The following PTPRQ variants were observed in gnomAD, a reference collection of about 807,000 sequenced individuals.
PTPRQ encodes protein tyrosine phosphatase receptor type Q.
A neutral mutation model predicts 246.0 loss-of-function variants in PTPRQ; 199 were observed. That is an observed-to-expected ratio of 0.81 (90% confidence interval 0.72 to 0.91). PTPRQ has a LOEUF of 0.91. Among genes scored for constraint, PTPRQ ranks in the 40% least tolerant of loss-of-function variants. The pLI is 0.00. For missense variants in PTPRQ, 2,624 were observed against 2,528.4 expected, an observed-to-expected ratio of 1.04 and a Z score of -0.81; for synonymous variants, 869 against 853.2, an observed-to-expected ratio of 1.02 and a Z score of -0.32.
At chr12:80,615,543 A>C (rs1238463498) in intron 29 of PTPRQ, among the ~76,000 whole-genome samples, 3 of 151,136 alleles carry the variant, frequency 2.0e-5, no homozygotes, top group South Asian at 2.1e-4. Context: ...ACGTTTGTGT[A>C]AATCACCCTC....
chr12:80,556,698 G>C (rs530845363), intron 25 of PTPRQ, among the ~76,000 whole-genome samples: 3 of 152,132 alleles, frequency 2.0e-5, no homozygotes, highest in Non-Finnish European at 4.4e-5. Flanking sequence ...GAGATTATGG[G>C]TTGACTAAAG....
At chr12:80,611,986 T>C (rs1263874462) in intron 28 of PTPRQ, among the ~76,000 whole-genome samples, 2 of 150,496 alleles carry the variant, frequency 1.3e-5, no homozygotes, top group Non-Finnish European at 3.0e-5. Context: ...TTAATTTATT[T>C]ACATTTTTTG....
intron 25 of PTPRQ, among the ~76,000 whole-genome samples, chr12:80,555,830 C>G (rs974707089): frequency 6.6e-6 from 1 of 152,086 alleles, no homozygotes; most frequent in Non-Finnish European, 1.5e-5. Flanking sequence ...GTGCAGTGGA[C>G]AGTTGACCAA....
intron 26 of PTPRQ, among the ~76,000 whole-genome samples, chr12:80,591,348 T>C (rs1165126774): frequency 1.3e-5 from 2 of 152,082 alleles, no homozygotes; most frequent in Non-Finnish European, 2.9e-5. Context: ...AAGCTGGTCT[T>C]AAACTCTTGG....
rs1894514206 is a variant in PTPRQ, at chr12:80,493,443, A to G, written c.1528A>G (p.Thr510Ala). 1 of 1,548,310 alleles carries G rather than the reference A, an allele frequency of 6.5e-7. No individual in the cohort carries two copies. Among genetic ancestry groups the G allele is most frequent in the African/African-American group, 1.4e-5 (1 of 72,958 alleles). Residue 510 changes from threonine to alanine, a missense_variant, in exon 10 of 45, where the codon ACT becomes GCT. Thr to Ala is a moderately conservative substitution (Grantham distance 58). Coordinates refer to ENST00000644991, the MANE Select transcript of PTPRQ (RefSeq NM_001145026.2). ...FPARNRAEDQ[T>A]SPVVTTRNQY... ...TGCAAGGAATAGAGCTGAAGACCAG[A>G]CTTCACCAGTTGGTAGGTAGAATTT...
chr12:80,648,504 T>G (rs1251705004), intron 35 of PTPRQ, among the ~76,000 whole-genome samples: 1 of 152,142 alleles, frequency 6.6e-6, no homozygotes. Context: ...TCATTCTGTC[T>G]GGTTCAACAC....
chr12:80,477,235 A>G (rs977286116), intron 8 of PTPRQ, among the ~76,000 whole-genome samples: 2 of 152,192 alleles, frequency 1.3e-5, no homozygotes, highest in African/African-American at 2.4e-5. Context: ...AAAATCAATC[A>G]ACTCTTCAAA....
intron 39 of PTPRQ, among the ~76,000 whole-genome samples, chr12:80,663,648 A>G (rs1253135740): frequency 6.6e-6 from 1 of 151,952 alleles, no homozygotes; most frequent in Non-Finnish European, 1.5e-5. Context: ...ATAATTATTG[A>G]TGATGTCAAA....
chr12:80,658,044 A>G lies in PTPRQ; in HGVS notation c.6175A>G (p.Asn2059Asp). ...DASVPGSDYINASYISGYLCP... is the reference protein window; with the variant it reads ...DASVPGSDYIDASYISGYLCP... ...TAGTGTTCCAGGTTCGGATTATATTAATGCCAGCTATATTTCTGTAAGTTA... is the reference window on the plus strand; with the variant it reads ...TAGTGTTCCAGGTTCGGATTATATTGATGCCAGCTATATTTCTGTAAGTTA... Residue 2059 changes from asparagine to aspartate, a missense_variant, in exon 39 of 45, where the codon AAT becomes GAT. Physicochemically the swap from Asn to Asp is conservative, Grantham distance 23. Coordinates refer to ENST00000644991, the MANE Select transcript of PTPRQ (RefSeq NM_001145026.2). 1.4e-6 allele frequency: 2 copies of G among 1,412,940 alleles called. No homozygotes were observed. The highest frequency in any genetic ancestry group is 1.9e-6 in the Non-Finnish European group (2 of 1,074,982). The allele number at this position is 1,412,940 out of a possible 1,614,324, so 87.5% of individuals were successfully genotyped here.
chr12:80,622,146 T>A lies in PTPRQ; in HGVS notation c.5686+12T>A. On this transcript the variant is annotated intron_variant, in intron 33 of 44. Transcript: ENST00000644991. ...TGTTAAGACTTTAGGTAAGACATTT[T>A]TGTAATTCATTTATAATCTCAACAT... The A allele has an allele frequency of 7.2e-7, 1 of 1,394,418 alleles. No homozygotes were observed. The highest frequency in any genetic ancestry group is 9.4e-7 in the Non-Finnish European group (1 of 1,061,878). 86.4% of individuals were successfully genotyped at this position (1,394,418 alleles called of 1,614,324 possible). A position where few individuals can be genotyped will look rare whatever the true frequency, so the allele number is the denominator to read the frequency against.
At chr12:80,478,049 G>T (rs1488260519) in intron 8 of PTPRQ, among the ~76,000 whole-genome samples, 12 of 152,238 alleles carry the variant, frequency 7.9e-5, no homozygotes, top group Admixed American at 7.9e-4. Flanking sequence ...AGGCCTGCTT[G>T]CCTCTGTAGG....
At chr12:80,624,055 C>G (rs997448434) in intron 33 of PTPRQ, among the ~76,000 whole-genome samples, 3 of 152,118 alleles carry the variant, frequency 2.0e-5, no homozygotes, top group Non-Finnish European at 4.4e-5. Context: ...AGCAGAAATA[C>G]ACAGTCAGGT....
At chr12:80,581,796 A>T (rs1038750476) in intron 25 of PTPRQ, among the ~76,000 whole-genome samples, 2 of 152,232 alleles carry the variant, frequency 1.3e-5, no homozygotes, top group Non-Finnish European at 2.9e-5. Flanking sequence ...AATAGAAAAA[A>T]AAGTAGAAAA....
In PTPRQ at chr12:80,460,759, A is replaced by G. The variant is rs2120480208; in HGVS notation, c.767A>G (p.Asn256Ser). Reference protein sequence around the residue: ...TTHSSSTLTQNEISSVWKEPI... With the variant: ...TTHSSSTLTQSEISSVWKEPI... ...CATTCATCAAGCACGTTGACACAGA[A>G]TGAGATCAGCTCTGTGTGGAAAGAG... The change falls in exon 6 of 45, where the codon AAT (asparagine) becomes AGT (serine). Residue 256 changes from asparagine to serine, a missense_variant. By Grantham distance (46) the Asn-to-Ser change is conservative (BLOSUM62 1). Coordinates refer to ENST00000644991, the MANE Select transcript of PTPRQ (RefSeq NM_001145026.2). 2.5e-6 allele frequency: 1 copy of G among 400,578 alleles called. No individual in the cohort carries two copies. Among genetic ancestry groups the G allele is most frequent in the South Asian group, 1.3e-4 (1 of 7,934 alleles). The allele number at this position is 400,578 out of a possible 1,614,324, so 24.8% of individuals were successfully genotyped here. A position where few individuals can be genotyped will look rare whatever the true frequency, so the allele number is the denominator to read the frequency against.
At chr12:80,604,961 T>G (rs1738143227) in intron 26 of PTPRQ, 98 bp from the exon 27 acceptor site, 1 of 1,189,598 alleles carries the variant, frequency 8.4e-7, no homozygotes, top group African/African-American at 1.6e-5. Context: ...TAAAATTAAT[T>G]TATTATGACT....
intron 39 of PTPRQ, among the ~76,000 whole-genome samples, chr12:80,662,646 T>G (rs569432423): frequency 2.8e-4 from 42 of 152,150 alleles, no homozygotes; most frequent in Middle Eastern, 3.4e-3. Context: ...TTGCTGTTGA[T>G]GTTTCATGGT....
In PTPRQ at chr12:80,580,253, A is replaced by T. The variant is rs901444886; in HGVS notation, c.4286-7876A>T. The stretch of plus-strand genomic sequence containing the variant: ...ATTTCAACCATGATGAAAGTATTTT[A>T]GTGATAAGAATAATTTATGAATAAA... On this transcript the variant is annotated intron_variant, in intron 25 of 44. Coordinates refer to ENST00000644991, the MANE Select transcript of PTPRQ (RefSeq NM_001145026.2). 3.3e-5 allele frequency among the ~76,000 whole-genome samples: 5 copies of T among 152,316 alleles called. No homozygotes were observed. The South Asian group carries it at 1.0e-3, about 32-fold the overall frequency.
At chr12:80,634,347 A>G (rs1303957817) in intron 34 of PTPRQ, among the ~76,000 whole-genome samples, 4 of 152,206 alleles carry the variant, frequency 2.6e-5, no homozygotes, top group Non-Finnish European at 2.9e-5. Context: ...TAAAGGGTTT[A>G]AGATGAAAAG....
At chr12:80,650,324 T>TC (rs1401335971) in intron 37 of PTPRQ, among the ~76,000 whole-genome samples, 2 of 151,806 alleles carry the variant, frequency 1.3e-5, no homozygotes, top group African/African-American at 4.8e-5. Context: ...TAGTTTTTTT[T>TC]TTAACATTTT....
Sources: allele counts gnomAD v4.1 joint callset (sites outside exome capture counted in the v4.1 genomes callset), GRCh38; gene constraint gnomAD v4.1.1; transcripts MANE v1.5; gene names NCBI Gene and HGNC (gene_info 2026-07-23, HGNC 2026-07-21).